Variants in SEC63 observed in about 807,000 individuals in gnomAD.
SEC63 encodes translocation protein SEC63 homolog.
In SEC63, 56 loss-of-function variants were observed where a neutral mutation model predicts 116.2. The ratio of observed to expected loss-of-function variants is 0.48; its 90% CI spans 0.39 to 0.60. SEC63 has a LOEUF of 0.60. Ranked by LOEUF, SEC63 falls within the 20% of genes least tolerant of loss-of-function variation. SEC63 has a pLI of 0.00. For synonymous variants in SEC63, 273 were observed against 294.6 expected (o/e 0.93, Z 0.75); for missense variants, 668 against 900.0 (o/e 0.74, Z 3.30).
rs1786743393 is a variant in SEC63 at position 107,893,645 on chromosome 6, G to C, written c.1511C>G (p.Thr504Ser). ...EQPAEDGQGETNKNRTKGGWQ... is the reference protein window; with the variant it reads ...EQPAEDGQGESNKNRTKGGWQ... ...TCCTCCTTTTGTCCTGTTCTTGTTA[G>C]TTTCACCCTGCTGTGAATCATAACA... Residue 504 changes from threonine (T) to serine (S), a missense_variant, in exon 16 of 21, where the codon ACT becomes AGT. By Grantham distance (58) the Thr-to-Ser change is moderately conservative. Around this residue, in one of 5 missense-constraint regions of SEC63, gnomAD observed 430 missense variants for 557.5 expected, o/e 0.77. Coordinates refer to ENST00000369002, the MANE Select transcript of SEC63 (RefSeq NM_007214.5). 3.7e-6 allele frequency: 6 copies of C among 1,613,136 alleles called. No homozygotes were observed. Among genetic ancestry groups the C allele is most frequent in the Non-Finnish European group, 5.1e-6 (6 of 1,179,836 alleles).
chr6:107,893,867 C>T lies in SEC63; in HGVS notation c.1471G>A (p.Ala491Thr), dbSNP rs1786752146. The part of the protein sequence containing the change: ...EVFEKEQSIC[A>T]AEEQPAEDGQ... ...TCTTCTGCTGGCTGTTCCTCTGCAG[C>T]ACAGATGGACTGCTCCTTTTCAAAT... The change falls in exon 15 of 21, where the codon GCT becomes ACT. Residue 491 changes from alanine to threonine, a missense_variant. Coordinates refer to ENST00000369002, the MANE Select transcript of SEC63 (RefSeq NM_007214.5). 4.3e-6 allele frequency: 7 copies of T among 1,614,118 alleles called. No homozygotes were observed. Among genetic ancestry groups the T allele is most frequent in the Non-Finnish European group, 5.1e-6 (6 of 1,180,000 alleles).
chr6:107,951,828 C>G (rs990417213), intron 1 of SEC63, among the ~76,000 whole-genome samples: 1 of 151,992 alleles, frequency 6.6e-6, no homozygotes, highest in Non-Finnish European at 1.5e-5. Context: ...AAAAAATTAG[C>G]CAGGCGTGGT....
Position 107,906,499 on chromosome 6 carries a change from G to T in SEC63, c.910C>A (p.Leu304Ile), listed in dbSNP as rs745328381. The T allele has an allele frequency of 1.3e-5, 21 of 1,613,942 alleles. No homozygotes were observed. Among genetic ancestry groups the T allele is most frequent in the Non-Finnish European group, 1.8e-5 (21 of 1,179,938 alleles). Residue 304 changes from leucine (L) to isoleucine (I), a missense_variant, in exon 10 of 21, where the codon CTT becomes ATT. Transcript: ENST00000369002. ...ATTCTAGCAAGATGAGACAGTAAAAGAACTCTGGCCTTCAGGCTATATGGG... is the reference window on the plus strand; with the variant it reads ...ATTCTAGCAAGATGAGACAGTAAAATAACTCTGGCCTTCAGGCTATATGGG... ...TCPYSLKARVLLLSHLARMKI... is the reference protein window; with the variant it reads ...TCPYSLKARVILLSHLARMKI...
At position 107,870,903 on chromosome 6, in the gene SEC63, G is replaced by C. The variant is rs1224149918; in HGVS notation, c.*801C>G. ...GACTGAAAACTAAGGATGTAGTTCA[G>C]CTTTTAGAGTGAACCTTTTTTAAAA... On this transcript the variant is annotated 3_prime_UTR_variant, in exon 21 of 21. Coordinates refer to ENST00000369002, the MANE Select transcript of SEC63 (RefSeq NM_007214.5). The C allele has an allele frequency of 6.6e-6, 1 of 152,362 alleles. No homozygotes were observed. Among genetic ancestry groups the C allele is most frequent in the African/African-American group, 2.4e-5 (1 of 41,416 alleles). The allele number at this position is 152,362 out of a possible 1,614,324, so 9.4% of individuals were successfully genotyped here. A position where few individuals can be genotyped will look rare whatever the true frequency, so the allele number is the denominator to read the frequency against.
At chr6:107,955,492 A>G (rs1225660204) in intron 1 of SEC63, among the ~76,000 whole-genome samples, 1 of 152,252 alleles carries the variant, frequency 6.6e-6, no homozygotes, top group Non-Finnish European at 1.5e-5. Flanking sequence ...AAGATTAAAT[A>G]AAGTAAAAGT....
intron 20 of SEC63, among the ~76,000 whole-genome samples, chr6:107,872,238 C>T (rs1171202374): frequency 6.6e-6 from 1 of 152,054 alleles, no homozygotes; most frequent in Non-Finnish European, 1.5e-5. Flanking sequence ...ATGTAAAATT[C>T]TACAGTTAAT....
intron 16 of SEC63, among the ~76,000 whole-genome samples, chr6:107,886,022 C>T (rs545237618): frequency 7.5e-4 from 114 of 152,274 alleles, no homozygotes; most frequent in Admixed American, 3.1e-3. Flanking sequence ...CACCACCACC[C>T]GACATGCCCC....
At chr6:107,904,226 A>G (rs1317287686) in intron 11 of SEC63, among the ~76,000 whole-genome samples, 1 of 150,424 alleles carries the variant, frequency 6.6e-6, no homozygotes, top group Non-Finnish European at 1.5e-5. Flanking sequence ...CCTGGCCAAC[A>G]TGGTAAAACC....
chr6:107,871,629 T>C lies in SEC63; in HGVS notation c.*75A>G, dbSNP rs1178376829. On this transcript the variant is annotated 3_prime_UTR_variant, in exon 21 of 21. Transcript: ENST00000369002. ...CTCAACATCAGTTCTGTACTGTTTC[T>C]GGTTTATGATACACTTCCAAAACAG... 1 of 1,411,658 alleles carries C rather than the reference T, an allele frequency of 7.1e-7. No individual in the cohort carries two copies. The highest frequency in any genetic ancestry group is 1.4e-5 in the African/African-American group (1 of 70,970). 87.4% of individuals were successfully genotyped at this position (1,411,658 alleles called of 1,614,324 possible). A position where few individuals can be genotyped will look rare whatever the true frequency, so the allele number is the denominator to read the frequency against.
At position 107,957,866 on chromosome 6, in the gene SEC63, C is replaced by A. The variant is rs114539321; in HGVS notation, c.124+20G>T. The A allele has an allele frequency of 2.1e-5, 33 of 1,604,082 alleles. No homozygotes were observed. The highest frequency in any genetic ancestry group is 2.6e-5 in the Non-Finnish European group (31 of 1,175,560). On this transcript the variant is annotated intron_variant, in intron 1 of 20. Coordinates refer to ENST00000369002, the MANE Select transcript of SEC63 (RefSeq NM_007214.5). ...GGCGGGGCCTGCGCGGGTTCGCGGG[C>A]AAAGGCCGGCGGGACTCACCGGCAT...
rs1317524712 is a variant in SEC63 at position 107,870,053 on chromosome 6, C to G, written c.*1651G>C. 6.6e-6 allele frequency: 1 copy of G among 152,332 alleles called. No homozygotes were observed. The highest frequency in any genetic ancestry group is 2.4e-5 in the African/African-American group (1 of 41,426). The allele number at this position is 152,332 out of a possible 1,614,324, so 9.4% of individuals were successfully genotyped here. A position where few individuals can be genotyped will look rare whatever the true frequency, so the allele number is the denominator to read the frequency against. On this transcript the variant is annotated 3_prime_UTR_variant, in exon 21 of 21. Transcript: ENST00000369002. The stretch of plus-strand genomic sequence containing the variant: ...CTTTCACTTGACACCAGCTGGCTTA[C>G]CCCCTGCCACCACACTTAGGTAATC...
intron 13 of SEC63, among the ~76,000 whole-genome samples, chr6:107,900,056 T>C (rs6912800): frequency 0.99 from 151,076 of 152,336 alleles, 74,920 homozygotes; most frequent in African/African-American, 1. Context: ...ACTGCTTCCC[T>C]AGCACCTAGA....
intron 18 of SEC63, among the ~76,000 whole-genome samples, chr6:107,880,079 T>C (rs1786376691): frequency 6.6e-6 from 1 of 152,220 alleles, no homozygotes; most frequent in African/African-American, 2.4e-5. Flanking sequence ...AGGCTACCTC[T>C]GCAATGGGCA....
In SEC63 at chr6:107,870,622, CCTGGGTTTTT is replaced by C. The variant is rs1044199851; in HGVS notation, c.*1072_*1081del. 1.3e-5 allele frequency: 2 copies of C among 152,098 alleles called. No individual in the cohort carries two copies. Among genetic ancestry groups the C allele is most frequent in the Admixed American group, 6.5e-5 (1 of 15,274 alleles). The allele number at this position is 152,098 out of a possible 1,614,324, so 9.4% of individuals were successfully genotyped here. A position where few individuals can be genotyped will look rare whatever the true frequency, so the allele number is the denominator to read the frequency against. On this transcript the variant is annotated 3_prime_UTR_variant, in exon 21 of 21. Transcript: ENST00000369002. ...ACTATGAGGGGAAATCCCTCTCACT[CCTGGGTTTTT>C]CTACAGTATACAGAAATAGCAGTCA...
At chr6:107,936,732 T>C (rs1399889695) in intron 1 of SEC63, among the ~76,000 whole-genome samples, 1 of 152,216 alleles carries the variant, frequency 6.6e-6, no homozygotes, top group East Asian at 1.9e-4. Context: ...AGTCACTCTG[T>C]CCATGCTGCA....
chr6:107,906,739 G>C lies in SEC63; in HGVS notation c.772C>G (p.Pro258Ala). 4 of 1,613,746 alleles carry C rather than the reference G, an allele frequency of 2.5e-6. No individual in the cohort carries two copies. Among genetic ancestry groups the C allele is most frequent in the Non-Finnish European group, 3.4e-6 (4 of 1,179,910 alleles). Reference sequence around the variant, plus strand: ...CTTGTGGCATCTTTATTATACTGAGGATCAAATTCAGAAGCTCCAGCCAAA... The same window carrying C: ...CTTGTGGCATCTTTATTATACTGAGCATCAAATTCAGAAGCTCCAGCCAAA... ...MVLAGASEFDPQYNKDATSRP... is the reference protein window; with the variant it reads ...MVLAGASEFDAQYNKDATSRP... The change falls in exon 9 of 21, where the codon CCT (proline) becomes GCT (alanine). Residue 258 changes from proline (P) to alanine (A), a missense_variant. Around this residue, in one of 5 missense-constraint regions of SEC63, gnomAD observed 430 missense variants for 557.5 expected, o/e 0.77. Coordinates refer to ENST00000369002, the MANE Select transcript of SEC63 (RefSeq NM_007214.5).
At position 107,870,379 on chromosome 6, in the gene SEC63, A is replaced by G. The variant is rs1786103372; in HGVS notation, c.*1325T>C. The G allele has an allele frequency of 6.5e-6, 1 of 152,792 alleles. No homozygotes were observed. Among genetic ancestry groups the G allele is most frequent in the African/African-American group, 2.4e-5 (1 of 41,578 alleles). 9.5% of individuals were successfully genotyped at this position (152,792 alleles called of 1,614,324 possible). On this transcript the variant is annotated 3_prime_UTR_variant, in exon 21 of 21. Transcript: ENST00000369002. ...AAGATGCCGGTAGTATTCTGCACTGAAAGTGGCAACCTTTTAAAGTAAACA... is the reference window on the plus strand; with the variant it reads ...AAGATGCCGGTAGTATTCTGCACTGGAAGTGGCAACCTTTTAAAGTAAACA...
chr6:107,925,005 C>G, intron 2 of SEC63, 73 bp from the exon 3 acceptor site: 1 of 875,962 alleles, frequency 1.1e-6, no homozygotes, highest in South Asian at 1.3e-5. Flanking sequence ...ATGGCAAGGT[C>G]AAGGCAAAAA....
chr6:107,921,911 TG>T lies in SEC63; in HGVS notation c.340-3del, dbSNP rs142388422. 1.7e-4 allele frequency: 208 copies of T among 1,258,586 alleles called. No homozygotes were observed. Among genetic ancestry groups the T allele is most frequent in the African/African-American group, 7.8e-4 (45 of 57,730 alleles). 78.0% of individuals were successfully genotyped at this position (1,258,586 alleles called of 1,614,324 possible). The stretch of plus-strand genomic sequence containing the variant: ...TTTAATTTCTGCTACTGTGGCTCCC[TG>T]GGGAAAAACAAAAAAAAAAAACAAG... On this transcript the variant is annotated splice_region_variant and splice_polypyrimidine_tract_variant and intron_variant, in intron 3 of 20. Coordinates refer to ENST00000369002, the MANE Select transcript of SEC63 (RefSeq NM_007214.5).
Sources: gnomAD v4.1 joint callset for allele counts (sites outside exome capture counted in the v4.1 genomes callset) on GRCh38, gnomAD v4.1.1 for gene constraint, gnomAD v4.1.1 regional missense constraint, MANE v1.5 for transcripts, NCBI Gene and HGNC (gene_info 2026-07-23, HGNC 2026-07-21) for gene names.